Variants in PIK3C2G observed in about 807,000 individuals in gnomAD.
PIK3C2G encodes the protein phosphatidylinositol-4-phosphate 3-kinase catalytic subunit type 2 gamma, also known as phosphatidylinositol 3-kinase C2 domain-containing subunit gamma.
PIK3C2G carries 168 observed loss-of-function variants against 181.1 expected under a neutral mutation model. That is an observed-to-expected ratio of 0.93 (90% CI 0.82 to 1.05). PIK3C2G has a LOEUF of 1.05. Ranked by LOEUF, PIK3C2G falls within the 50% of genes least tolerant of loss-of-function variation. The probability of loss-of-function intolerance (pLI) is 0.00; values close to 1 mark genes in which losing one functional copy is unlikely to be tolerated. For synonymous variants in PIK3C2G, 573 were observed against 592.2 expected, an observed-to-expected ratio of 0.97 and a Z score of 0.47; for missense variants, 1,869 against 1,732.8, an observed-to-expected ratio of 1.08 and a Z score of -1.40.
chr12:18,612,825 A>C (rs1238036828), intron 31 of PIK3C2G, among the ~76,000 whole-genome samples: 1 of 152,108 alleles, frequency 6.6e-6, no homozygotes, highest in Non-Finnish European at 1.5e-5. Context: ...GTTTGATGAA[A>C]AGTATTGTTT....
chr12:18,313,826 A>ACACG (rs762905697), intron 5 of PIK3C2G, 136 bp from the exon 6 acceptor site: 5 of 530,718 alleles, frequency 9.4e-6, no homozygotes, highest in Non-Finnish European at 1.7e-5. Flanking sequence ...ACACACACAC[A>ACACG]CACGCACACA....
At chr12:18,466,915 T>G (rs926525614) in intron 18 of PIK3C2G, among the ~76,000 whole-genome samples, 1 of 152,036 alleles carries the variant, frequency 6.6e-6, no homozygotes, top group Non-Finnish European at 1.5e-5. Context: ...TTTTTTCACT[T>G]GGAATGTTTC....
At chr12:18,325,724 A>G (rs973814142) in intron 8 of PIK3C2G, among the ~76,000 whole-genome samples, 2 of 145,352 alleles carry the variant, frequency 1.4e-5, no homozygotes, top group Non-Finnish European at 3.0e-5. Flanking sequence ...AAAAAAAAAA[A>G]GAGAGAGAGA....
downstream of PIK3C2G, among the ~76,000 whole-genome samples, chr12:18,653,291 A>G (rs1169065586): frequency 2.0e-5 from 3 of 152,158 alleles, no homozygotes; most frequent in African/African-American, 4.8e-5. Flanking sequence ...AAGATTTGAT[A>G]TTACATAGGA....
At chr12:18,634,639 A>G (rs950641987) in intron 31 of PIK3C2G, among the ~76,000 whole-genome samples, 3 of 152,140 alleles carry the variant, frequency 2.0e-5, no homozygotes, top group Admixed American at 2.0e-4. Context: ...CAGTGGCTGT[A>G]GCTGGGTCAG....
intron 30 of PIK3C2G, among the ~76,000 whole-genome samples, chr12:18,597,431 AAAT>A (rs1334342687): frequency 1.3e-5 from 2 of 152,134 alleles, no homozygotes; most frequent in East Asian, 1.9e-4. Context: ...AAAATCATAA[AAAT>A]AATAATATAA....
At chr12:18,686,442 C>T in the PIK3C2G span, among the ~76,000 whole-genome samples, 1 of 152,058 alleles carries the variant, frequency 6.6e-6, no homozygotes, top group African/African-American at 2.4e-5. Context: ...ACCCTATATT[C>T]CACCCATCTT....
intron 9 of PIK3C2G, among the ~76,000 whole-genome samples, chr12:18,343,068 T>C (rs1939289157): frequency 6.6e-6 from 1 of 152,102 alleles, no homozygotes; most frequent in African/African-American, 2.4e-5. Context: ...GGATTGAGCT[T>C]AGACAATCTG....
the PIK3C2G span, among the ~76,000 whole-genome samples, chr12:18,722,000 C>A: frequency 6.6e-6 from 1 of 152,050 alleles, no homozygotes; most frequent in African/African-American, 2.4e-5. Flanking sequence ...CTCTCTCATT[C>A]TCAAAGTTCT....
At chr12:18,303,115 C>CTTT (rs1950253330) in intron 5 of PIK3C2G, among the ~76,000 whole-genome samples, 1 of 136,604 alleles carries the variant, frequency 7.3e-6, no homozygotes, top group African/African-American at 2.8e-5. Flanking sequence ...TCTTTCTTTC[C>CTTT]TTCTTTCTTT....
downstream of PIK3C2G, among the ~76,000 whole-genome samples, chr12:18,650,712 C>CTA (rs1157799425): frequency 9.2e-3 from 134 of 14,570 alleles, 1 homozygote; most frequent in South Asian, 0.014. Context: ...GTGTATATAT[C>CTA]TATATATATA....
chr12:18,341,225 A>G (rs1051471874), intron 9 of PIK3C2G, among the ~76,000 whole-genome samples: 2 of 152,186 alleles, frequency 1.3e-5, no homozygotes, highest in Admixed American at 6.5e-5. Flanking sequence ...TAAAAATGAC[A>G]ATTTTCAGAA....
At chr12:18,243,780 C>T, upstream of PIK3C2G, among the ~76,000 whole-genome samples, 1 of 151,914 alleles carries the variant, frequency 6.6e-6, no homozygotes, top group East Asian at 1.9e-4. Context: ...TGACACCCAG[C>T]TTCACACTGG....
intron 5 of PIK3C2G, among the ~76,000 whole-genome samples, chr12:18,304,697 C>A (rs905758251): frequency 6.6e-6 from 1 of 152,162 alleles, no homozygotes; most frequent in African/African-American, 2.4e-5. Flanking sequence ...AGATTACATT[C>A]ATTAGCAGTA....
Position 18,292,227 on chromosome 12 carries a change from A to AAAAAAAAAT in PIK3C2G, c.919+1216_919+1217insAAAAAAATA. On this transcript the variant is annotated intron_variant, in intron 4 of 32. Coordinates refer to ENST00000538779, the MANE Select transcript of PIK3C2G (RefSeq NM_001288772.2). ...CTCCATCTCAAAAAAAAAAAAAAAA[A>AAAAAAAAAT]ATATATATATATATATATATATATA... 2.9e-3 allele frequency among the ~76,000 whole-genome samples: 139 copies of AAAAAAAAAT among 48,690 alleles called. 2 individuals are homozygous for AAAAAAAAAT. Among genetic ancestry groups the AAAAAAAAAT allele is most frequent in the South Asian group, 6.3e-3 (7 of 1,120 alleles). The allele number at this position is 48,690 out of a possible 152,430, so 31.9% of individuals were successfully genotyped here.
At position 18,361,208 on chromosome 12, in the gene PIK3C2G, A is replaced by G. The variant is rs145255805; in HGVS notation, c.1626-1556A>G. On this transcript the variant is annotated intron_variant, in intron 11 of 32. Coordinates refer to ENST00000538779, the MANE Select transcript of PIK3C2G (RefSeq NM_001288772.2). ...ATTCTGCTTCAGAATCTCTGTAGTA[A>G]ATTTCTCAACTCAGTTATTGTATCC... 1.4e-4 allele frequency among the ~76,000 whole-genome samples: 21 copies of G among 152,048 alleles called. 1 individual carries two copies. Among genetic ancestry groups the G allele is most frequent in the Non-Finnish European group, 3.1e-4 (21 of 68,006 alleles).
chr12:18,611,289 G>A (rs1180535098), intron 31 of PIK3C2G, among the ~76,000 whole-genome samples: 1 of 152,040 alleles, frequency 6.6e-6, no homozygotes, highest in Non-Finnish European at 1.5e-5. Flanking sequence ...AGGGCCATGA[G>A]AACCTCTATA....
At chr12:18,297,949 C>T (rs968258269) in intron 5 of PIK3C2G, among the ~76,000 whole-genome samples, 6 of 151,862 alleles carry the variant, frequency 4.0e-5, no homozygotes, top group African/African-American at 9.6e-5. Context: ...AGGTTGATTC[C>T]GTATCTTGGC....
At chr12:18,615,472 T>TTGGTTGA (rs1408867669) in intron 31 of PIK3C2G, among the ~76,000 whole-genome samples, 3 of 151,642 alleles carry the variant, frequency 2.0e-5, no homozygotes, top group Non-Finnish European at 4.4e-5. Context: ...TTTTCACTTG[T>TTGGTTGA]TGGTTGATGG....
Sources: allele counts gnomAD v4.1 joint callset (sites outside exome capture counted in the v4.1 genomes callset), GRCh38; gene constraint gnomAD v4.1.1; transcripts MANE v1.5; gene names NCBI Gene and HGNC (gene_info 2026-07-23, HGNC 2026-07-21).